The following NSA2 variants were observed in gnomAD, a reference collection of about 807,000 sequenced individuals.
NSA2 encodes the protein ribosome biogenesis protein NSA2 homolog.
In NSA2, 18 loss-of-function variants were observed where a neutral mutation model predicts 34.8. That is an observed-to-expected ratio of 0.52 (90% CI 0.36 to 0.77). The LOEUF is 0.77. NSA2 is among the 30% of genes least tolerant of loss of function. The pLI is 0.00. For synonymous variants in NSA2, 79 were observed against 100.2 expected, an observed-to-expected ratio of 0.79 and a Z score of 1.26; for missense variants, 188 against 314.7, an observed-to-expected ratio of 0.60 and a Z score of 3.05.
chr5:74,771,019 T>C (rs1744905475), intron 4 of NSA2, among the ~76,000 whole-genome samples: 1 of 152,232 alleles, frequency 6.6e-6, no homozygotes, highest in Admixed American at 6.5e-5. Context: ...GGCTCACACC[T>C]GTAATCCCAG....
At position 74,773,991 on chromosome 5, in the gene NSA2, A is replaced by G. The variant is rs972924874; in HGVS notation, c.646A>G (p.Lys216Glu). The G allele has an allele frequency of 6.2e-7, 1 of 1,614,140 alleles. No homozygotes were observed. The highest frequency in any genetic ancestry group is 8.5e-7 in the Non-Finnish European group (1 of 1,179,982). The change falls in exon 5 of 6, where the codon AAA (lysine) becomes GAA (glutamate). Residue 216 changes from lysine to glutamate, a missense_variant. Coordinates refer to ENST00000610426, the MANE Select transcript of NSA2 (RefSeq NM_014886.6). ...GTATACAACTTTGGGTGTTATTACCAAAGGTACTGTCATTGAAGTAAATGT... is the reference window on the plus strand; with the variant it reads ...GTATACAACTTTGGGTGTTATTACCGAAGGTACTGTCATTGAAGTAAATGT... ...PLYTTLGVIT[K>E]GTVIEVNVSE...
intron 5 of NSA2, among the ~76,000 whole-genome samples, chr5:74,776,297 C>G (rs1465621439): frequency 6.6e-6 from 1 of 152,072 alleles, no homozygotes; most frequent in African/African-American, 2.4e-5. Flanking sequence ...CTCAGGAGTT[C>G]GAGCCCAGCC....
rs1745215862 is a variant in NSA2, at chr5:74,778,154, C to T, written c.*1483C>T. 1 of 151,716 alleles carries T rather than the reference C, an allele frequency of 6.6e-6. No individual in the cohort carries two copies. The highest frequency in any genetic ancestry group is 1.5e-5 in the Non-Finnish European group (1 of 67,816). 9.4% of individuals were successfully genotyped at this position (151,716 alleles called of 1,614,324 possible). A position where few individuals can be genotyped will look rare whatever the true frequency, so the allele number is the denominator to read the frequency against. ...ACCAAAAATACTATCTTGTAAGGTA[C>T]AAAGAAAGCTTGATATTAAGTATGA... On this transcript the variant is annotated 3_prime_UTR_variant, in exon 6 of 6. Coordinates refer to ENST00000610426, the MANE Select transcript of NSA2 (RefSeq NM_014886.6).
At chr5:74,771,140 C>T (rs1380068656) in intron 4 of NSA2, among the ~76,000 whole-genome samples, 10 of 151,904 alleles carry the variant, frequency 6.6e-5, no homozygotes, top group Non-Finnish European at 1.0e-4. Context: ...ATAAGCTGGG[C>T]GTGGTGGCGG....
rs1745138476 is a variant in NSA2 at position 74,776,646 on chromosome 5, G to C, written c.758G>C (p.Cys253Ser). ...ACCAACAATCCTGAAAATGATGGAT[G>C]TATAAATGCAGTCTTACTGGTTTGA... ...QVTNNPENDGCINAVLLV is the reference protein window; with the variant it reads ...QVTNNPENDGSINAVLLV The change falls in exon 6 of 6, where the codon TGT becomes TCT. Residue 253 changes from cysteine (C) to serine (S), a missense_variant. Cys to Ser is a moderately radical substitution (Grantham distance 112). Transcript: ENST00000610426. 2.5e-6 allele frequency: 4 copies of C among 1,594,608 alleles called. No homozygotes were observed. Among genetic ancestry groups the C allele is most frequent in the Non-Finnish European group, 3.4e-6 (4 of 1,164,042 alleles).
chr5:74,774,813 T>C (rs1745058547), intron 5 of NSA2, among the ~76,000 whole-genome samples: 1 of 152,354 alleles, frequency 6.6e-6, no homozygotes, highest in South Asian at 2.1e-4. Context: ...AAATTTCTTT[T>C]GCCACAACTT....
intron 4 of NSA2, chr5:74,771,662 A>G (rs1206995251): frequency 6.6e-6 from 1 of 151,742 alleles, no homozygotes; most frequent in Non-Finnish European, 1.5e-5. Flanking sequence ...CCTGGCTAAC[A>G]CTGTGAAACC....
intron 1 of NSA2, among the ~76,000 whole-genome samples, chr5:74,767,990 C>G (rs1244882673): frequency 6.6e-6 from 1 of 152,220 alleles, no homozygotes; most frequent in Non-Finnish European, 1.5e-5. Context: ...CTGGACTTGG[C>G]TTTGTATCAT....
chr5:74,776,030 CAA>C (rs1745104388), intron 5 of NSA2, among the ~76,000 whole-genome samples: 1 of 152,194 alleles, frequency 6.6e-6, no homozygotes, highest in South Asian at 2.1e-4. Context: ...GGTCAATCCA[CAA>C]AAGCCTGTTA....
chr5:74,768,881 A>C, intron 1 of NSA2, 50 bp from the exon 2 acceptor site: 3 of 1,302,866 alleles, frequency 2.3e-6, no homozygotes, highest in South Asian at 3.1e-5. Flanking sequence ...ATTTTAGAAT[A>C]ATTGTCAGTA....
At position 74,779,088 on chromosome 5, in the gene NSA2, A is replaced by G. The variant is rs530160933; in HGVS notation, c.*2417A>G. 133 of 152,260 alleles carry G rather than the reference A, an allele frequency of 8.7e-4. No individual in the cohort carries two copies. The highest frequency in any genetic ancestry group is 2.7e-3 in the African/African-American group (113 of 41,586). 9.4% of individuals were successfully genotyped at this position (152,260 alleles called of 1,614,324 possible). On this transcript the variant is annotated 3_prime_UTR_variant, in exon 6 of 6. Transcript: ENST00000610426. ...TTCTGTCAGAGAGAATCTGTAACAG[A>G]AGTGTTCTTGTGTGCTGAACAAAAA...
At chr5:74,776,514 GA>G (rs58655773) in intron 5 of NSA2, 89 bp from the exon 6 acceptor site, 14 of 730,740 alleles carry the variant, frequency 1.9e-5, no homozygotes, top group South Asian at 3.1e-5. Context: ...AAGACAAAAA[GA>G]AAAAAAAGGC....
Position 74,767,416 on chromosome 5 carries a change from C to T in NSA2, c.3+53C>T. 3 of 1,606,424 alleles carry T rather than the reference C, an allele frequency of 1.9e-6. No individual in the cohort carries two copies. In the Admixed American group the frequency reaches 5.0e-5, roughly 27 times the overall value. Reference sequence around the variant, plus strand: ...ACACACAGCGTCTGAGTTAGTGGGACCTGAGGACTCTGGGGCGCTGGGGTA... The same window carrying T: ...ACACACAGCGTCTGAGTTAGTGGGATCTGAGGACTCTGGGGCGCTGGGGTA... On this transcript the variant is annotated intron_variant, in intron 1 of 5. Coordinates refer to ENST00000610426, the MANE Select transcript of NSA2 (RefSeq NM_014886.6).
rs1399050265 is a variant in NSA2, at chr5:74,779,312, C to T, written c.*2641C>T. 1 of 152,118 alleles carries T rather than the reference C, an allele frequency of 6.6e-6. No homozygotes were observed. Among genetic ancestry groups the T allele is most frequent in the Non-Finnish European group, 1.5e-5 (1 of 67,990 alleles). 9.4% of individuals were successfully genotyped at this position (152,118 alleles called of 1,614,324 possible). On this transcript the variant is annotated 3_prime_UTR_variant, in exon 6 of 6. Transcript: ENST00000610426. ...CTTGTCTAAAGAAAGTCTTTTAGTG[C>T]TCACTTCGGCAGCACATATACTAAA...
Position 74,767,290 on chromosome 5 carries a change from C to CT in NSA2, c.-68dup. 1 of 1,605,114 alleles carries CT rather than the reference C, an allele frequency of 6.2e-7. No homozygotes were observed. Among genetic ancestry groups the CT allele is most frequent in the Admixed American group, 1.7e-5 (1 of 59,902 alleles). On this transcript the variant is annotated 5_prime_UTR_variant, in exon 1 of 6. Transcript: ENST00000610426. ...GCCTGCGTGGTGTGGGCTTGTGGGT[C>CT]TTTGAGACCCGAAAATTGAGAGCGT...
intron 5 of NSA2, among the ~76,000 whole-genome samples, chr5:74,774,617 TTAACC>T (rs1745051989): frequency 6.6e-6 from 1 of 152,028 alleles, no homozygotes; most frequent in African/African-American, 2.4e-5. Context: ...AAAAATTTTT[TTAACC>T]TTTTTAATAA....
chr5:74,772,845 G>C (rs1415737275), intron 4 of NSA2, among the ~76,000 whole-genome samples: 1 of 151,502 alleles, frequency 6.6e-6, no homozygotes, highest in African/African-American at 2.4e-5. Context: ...CTGATTTAGT[G>C]ATTTTTTCCC....
At chr5:74,772,320 G>A (rs1182800083) in intron 4 of NSA2, among the ~76,000 whole-genome samples, 1 of 152,022 alleles carries the variant, frequency 6.6e-6, no homozygotes, top group Non-Finnish European at 1.5e-5. Context: ...TAGAGACGGG[G>A]TTTCACCGTG....
intron 5 of NSA2, among the ~76,000 whole-genome samples, chr5:74,775,244 T>C (rs561552902): frequency 6.6e-6 from 1 of 151,912 alleles, no homozygotes; most frequent in Admixed American, 6.6e-5. Flanking sequence ...TTGAAAGTGA[T>C]TTAACACAGT....
Sources: gnomAD v4.1 joint callset for allele counts (sites outside exome capture counted in the v4.1 genomes callset) on GRCh38, gnomAD v4.1.1 for gene constraint, MANE v1.5 for transcripts, NCBI Gene and HGNC (gene_info 2026-07-23, HGNC 2026-07-21) for gene names.